ATF7: variants seen among roughly 807,000 people sequenced by gnomAD.
ATF7 encodes the protein cyclic AMP-dependent transcription factor ATF-7.
In ATF7, 10 loss-of-function variants were observed where a neutral mutation model predicts 50.4. The ratio of observed to expected loss-of-function variants is 0.20; its 90% CI spans 0.12 to 0.34. ATF7 has a LOEUF of 0.34. ATF7 is among the 10% of genes least tolerant of loss of function. The probability of loss-of-function intolerance (pLI) is 1.00; values close to 1 mark genes in which losing one functional copy is unlikely to be tolerated. For missense variants in ATF7, 465 were observed against 613.9 expected, an observed-to-expected ratio of 0.76 and a Z score of 2.56; for synonymous variants, 201 against 226.4, an observed-to-expected ratio of 0.89 and a Z score of 1.01.
chr12:53,616,105 A>G (rs1169732951), intron 1 of ATF7, among the ~76,000 whole-genome samples: 1 of 152,200 alleles, frequency 6.6e-6, no homozygotes, highest in East Asian at 1.9e-4. Flanking sequence ...AATTCCACTC[A>G]AAGGAAGCAA....
chr12:53,590,979 A>G (rs1271185983), intron 2 of ATF7, among the ~76,000 whole-genome samples: 1 of 152,166 alleles, frequency 6.6e-6, no homozygotes, highest in Non-Finnish European at 1.5e-5. Context: ...GCGAAACCCC[A>G]CAGAATGTAT....
chr12:53,527,413 T>C (rs1187042960), intron 9 of ATF7, among the ~76,000 whole-genome samples: 1 of 149,934 alleles, frequency 6.7e-6, no homozygotes, highest in South Asian at 2.1e-4. Context: ...GCCCAGAAGG[T>C]TGAGGCTGCA....
intron 1 of ATF7, among the ~76,000 whole-genome samples, chr12:53,622,242 T>C (rs1054625141): frequency 9.9e-5 from 15 of 151,824 alleles, no homozygotes; most frequent in Non-Finnish European, 2.1e-4. Context: ...TTGGAGGTTG[T>C]AGTGAGCTGA....
intron 2 of ATF7, among the ~76,000 whole-genome samples, chr12:53,586,367 A>G (rs1942679717): frequency 6.6e-6 from 1 of 151,878 alleles, no homozygotes. Context: ...AGTTATGAAC[A>G]TAATGTAATT....
At chr12:53,562,810 G>T (rs754247017) in intron 2 of ATF7, among the ~76,000 whole-genome samples, 25 of 151,902 alleles carry the variant, frequency 1.6e-4, no homozygotes, top group Admixed American at 4.6e-4. Flanking sequence ...GAAGATCAGA[G>T]TAAGAAACAA....
chr12:53,601,156 T>C (rs1943386659), intron 1 of ATF7, 135 bp from the exon 2 acceptor site: 1 of 639,540 alleles, frequency 1.6e-6, no homozygotes, highest in African/African-American at 1.8e-5. Context: ...AAACACAGGC[T>C]ACTTTGGGGA....
chr12:53,563,095 A>T (rs1941242627), intron 2 of ATF7, among the ~76,000 whole-genome samples: 1 of 152,278 alleles, frequency 6.6e-6, no homozygotes, highest in East Asian at 1.9e-4. Flanking sequence ...CTCCACACAC[A>T]TTCCCATATT....
At position 53,596,156 on chromosome 12, in the gene ATF7, C is replaced by T. The variant is rs563579077; in HGVS notation, c.48+4797G>A. 1.9e-4 allele frequency among the ~76,000 whole-genome samples: 29 copies of T among 152,092 alleles called. No individual in the cohort carries two copies. In the South Asian group the frequency reaches 4.8e-3, roughly 25 times the overall value. On this transcript the variant is annotated intron_variant, in intron 2 of 11. Transcript: ENST00000420353. ...CTACTAAAAATACAAAAAAATTAGC[C>T]GGGAGTGGCAGTGGGCGCCTGTAAT...
chr12:53,552,426 A>T, intron 3 of ATF7, 115 bp downstream of exon 3: 1 of 743,556 alleles, frequency 1.3e-6, no homozygotes, highest in Non-Finnish European at 2.3e-6. Context: ...AATGCAGATC[A>T]CATAAGGGCT....
intron 1 of ATF7, among the ~76,000 whole-genome samples, chr12:53,617,110 C>T (rs1160800516): frequency 2.6e-5 from 4 of 152,032 alleles, no homozygotes; most frequent in South Asian, 2.1e-4. Flanking sequence ...GCAAACTCTG[C>T]TTCCTGAGCT....
intron 2 of ATF7, chr12:53,574,953 CAAA>C (rs200535578): frequency 1.2e-3 from 207 of 168,754 alleles, no homozygotes; most frequent in South Asian, 3.8e-3. Flanking sequence ...GAGCTTAAGC[CAAA>C]AAAAAAAAAA....
At chr12:53,615,398 A>G (rs2137908697) in intron 1 of ATF7, among the ~76,000 whole-genome samples, 1 of 152,160 alleles carries the variant, frequency 6.6e-6, no homozygotes, top group South Asian at 2.1e-4. Flanking sequence ...AAAAGAAAAG[A>G]AAAATAAAAA....
chr12:53,622,699 A>T (rs1944443981), intron 1 of ATF7, among the ~76,000 whole-genome samples: 1 of 151,784 alleles, frequency 6.6e-6, no homozygotes, highest in Non-Finnish European at 1.5e-5. Flanking sequence ...TATTTACCCC[A>T]GAAGAGATGC....
At chr12:53,591,377 G>A (rs1942930728) in intron 2 of ATF7, among the ~76,000 whole-genome samples, 1 of 152,180 alleles carries the variant, frequency 6.6e-6, no homozygotes, top group Non-Finnish European at 1.5e-5. Context: ...GCTTGAGGAA[G>A]TGAAGGAAAG....
intron 3 of ATF7, among the ~76,000 whole-genome samples, chr12:53,549,566 G>C (rs567375988): frequency 2.0e-5 from 3 of 151,926 alleles, no homozygotes; most frequent in Non-Finnish European, 4.4e-5. Context: ...ACCATGCCAG[G>C]CTAATTTTGT....
rs1030853027 is a variant in ATF7, at chr12:53,514,809, A to G, written c.*2328T>C. The stretch of plus-strand genomic sequence containing the variant: ...AGTTACAAATTAATTCTTAACTGTA[A>G]AAACACTTGACTGAAGGGGGAAGAA... On this transcript the variant is annotated 3_prime_UTR_variant, in exon 12 of 12. Coordinates refer to ENST00000420353, the MANE Select transcript of ATF7 (RefSeq NM_006856.3). The G allele has an allele frequency of 6.6e-6, 1 of 152,208 alleles. No individual in the cohort carries two copies. The highest frequency in any genetic ancestry group is 2.4e-5 in the African/African-American group (1 of 41,444). The allele number at this position is 152,208 out of a possible 1,614,324, so 9.4% of individuals were successfully genotyped here.
intron 2 of ATF7, among the ~76,000 whole-genome samples, chr12:53,553,207 G>A (rs1050762378): frequency 1.3e-5 from 2 of 152,154 alleles, no homozygotes; most frequent in Non-Finnish European, 2.9e-5. Context: ...AGCCAGGATG[G>A]AGCTGTAGAG....
In ATF7 at chr12:53,517,250, C is replaced by T; in HGVS notation, c.1339G>A (p.Glu447Lys). 6.2e-7 allele frequency: 1 copy of T among 1,614,068 alleles called. No homozygotes were observed. The highest frequency in any genetic ancestry group is 8.5e-7 in the Non-Finnish European group (1 of 1,179,904). ...SNGLSVRSAA[E>K]AVATSVLTQM... ...GTGAGGACCGAGGTGGCCACAGCTT[C>T]AGCTGCAGAGCGAACACTGAGGCCA... Residue 447 changes from glutamate (E) to lysine (K), a missense_variant, in exon 12 of 12, where the codon GAA (glutamate) becomes AAA (lysine). Glu to Lys is a moderately conservative substitution (Grantham distance 56, BLOSUM62 1). Transcript: ENST00000420353.
chr12:53,604,260 G>C (rs1252033246), intron 1 of ATF7, among the ~76,000 whole-genome samples: 11 of 152,130 alleles, frequency 7.2e-5, no homozygotes, highest in Non-Finnish European at 1.5e-5. Flanking sequence ...TCAGTCACCA[G>C]AATTTTTTAA....
Sources: allele counts gnomAD v4.1 joint callset (sites outside exome capture counted in the v4.1 genomes callset), GRCh38; gene constraint gnomAD v4.1.1; transcripts MANE v1.5; gene names NCBI Gene and HGNC (gene_info 2026-07-23, HGNC 2026-07-21).